GRIK3: variants seen among roughly 807,000 people sequenced by gnomAD.
GRIK3 encodes the protein glutamate ionotropic receptor kainate type subunit 3.
Under a neutral mutation model 102.5 loss-of-function variants are expected in GRIK3, and 29 were observed. The observed-to-expected ratio is 0.28, with a 90% CI of 0.21 to 0.39. The LOEUF is 0.39. Ranked by LOEUF, GRIK3 falls within the 10% of genes least tolerant of loss-of-function variation. GRIK3 has a pLI of 1.00. For synonymous variants in GRIK3, 511 were observed against 504.9 expected (o/e 1.01, Z -0.16); for missense variants, 908 against 1,252.4 (o/e 0.73, Z 4.15).
intron 3 of GRIK3, among the ~76,000 whole-genome samples, chr1:36,874,434 G>A (rs770918479): frequency 7.2e-5 from 11 of 152,168 alleles, no homozygotes; most frequent in Admixed American, 2.0e-4. Context: ...GTTGGGAGAC[G>A]GCTATGTAGT....
chr1:36,907,850 C>T (rs921362856), intron 1 of GRIK3, among the ~76,000 whole-genome samples: 10 of 152,054 alleles, frequency 6.6e-5, no homozygotes, highest in Non-Finnish European at 5.9e-5. Context: ...AGGCAGACCT[C>T]GATTTGAATT....
At chr1:36,810,597 C>T (rs895742886) in intron 13 of GRIK3, among the ~76,000 whole-genome samples, 1 of 152,124 alleles carries the variant, frequency 6.6e-6, no homozygotes, top group Non-Finnish European at 1.5e-5. Flanking sequence ...ATAGCAATTC[C>T]AAAGGGAGCT....
intron 1 of GRIK3, among the ~76,000 whole-genome samples, chr1:36,990,763 C>T (rs1008833214): frequency 8.5e-5 from 13 of 152,120 alleles, no homozygotes; most frequent in Admixed American, 3.3e-4. Context: ...AGTTGCAAAT[C>T]GCTGAGCCCA....
At chr1:36,881,145 C>T (rs556912423) in intron 2 of GRIK3, among the ~76,000 whole-genome samples, 1 of 152,244 alleles carries the variant, frequency 6.6e-6, no homozygotes, top group African/African-American at 2.4e-5. Flanking sequence ...GGGTACGTCC[C>T]TTTTCCTTAG....
intron 1 of GRIK3, among the ~76,000 whole-genome samples, chr1:36,912,752 T>C (rs1641360116): frequency 6.6e-6 from 1 of 152,144 alleles, no homozygotes; most frequent in Non-Finnish European, 1.5e-5. Flanking sequence ...CACGCCTTTG[T>C]CATCCTGGCA....
At chr1:36,811,106 C>T (rs145551396) in intron 13 of GRIK3, among the ~76,000 whole-genome samples, 61 of 152,324 alleles carry the variant, frequency 4.0e-4, no homozygotes, top group African/African-American at 1.2e-3. Context: ...TTAGGGTTAT[C>T]GTGAACATTC....
rs201311290 is a variant in GRIK3, at chr1:36,804,973, G to A, written c.2565+14C>T. ...ATTTCCCATCCTGTGCAGGCTCCAAGCTCTAAGGCTTACCTGCTCTCTCTC... is the reference window on the plus strand; with the variant it reads ...ATTTCCCATCCTGTGCAGGCTCCAAACTCTAAGGCTTACCTGCTCTCTCTC... On this transcript the variant is annotated intron_variant, in intron 15 of 15. Coordinates refer to ENST00000373091, the MANE Select transcript of GRIK3 (RefSeq NM_000831.4). The A allele has an allele frequency of 5.0e-6, 8 of 1,613,868 alleles. No homozygotes were observed. The African/African-American group carries it at 6.7e-5, about 13-fold the overall frequency.
At chr1:36,843,975 A>G (rs1173664276) in intron 9 of GRIK3, among the ~76,000 whole-genome samples, 2 of 152,256 alleles carry the variant, frequency 1.3e-5, no homozygotes, top group Non-Finnish European at 2.9e-5. Context: ...TGGGATGGGC[A>G]GTGGAAGACC....
intron 1 of GRIK3, among the ~76,000 whole-genome samples, chr1:36,929,485 A>G (rs1248204242): frequency 2.0e-5 from 3 of 152,202 alleles, no homozygotes; most frequent in Non-Finnish European, 4.4e-5. Flanking sequence ...TAATTCCCAA[A>G]CCACATTCCA....
At chr1:36,927,710 T>C (rs1641542841) in intron 1 of GRIK3, among the ~76,000 whole-genome samples, 1 of 152,140 alleles carries the variant, frequency 6.6e-6, no homozygotes, top group African/African-American at 2.4e-5. Context: ...TTCTGTTTAA[T>C]CCATCTCCGC....
chr1:36,900,112 C>G (rs984093114), intron 1 of GRIK3, among the ~76,000 whole-genome samples: 1 of 152,132 alleles, frequency 6.6e-6, no homozygotes, highest in African/African-American at 2.4e-5. Flanking sequence ...TTCTCAAGCT[C>G]ACATGGAACA....
intron 10 of GRIK3, among the ~76,000 whole-genome samples, chr1:36,839,965 G>T (rs771436857): frequency 6.6e-6 from 1 of 152,188 alleles, no homozygotes; most frequent in East Asian, 1.9e-4. Context: ...GATGCTGTCT[G>T]CTCCCATCCT....
rs1451438476 is a variant in GRIK3, at chr1:36,959,822, C to A, written c.116-68726G>T. Among the ~76,000 whole-genome samples, 3 of 115,418 alleles carry A rather than the reference C, an allele frequency of 2.6e-5. 1 individual carries two copies. Among genetic ancestry groups the A allele is most frequent in the Non-Finnish European group, 5.6e-5 (3 of 53,694 alleles). The allele number at this position is 115,418 out of a possible 152,430, so 75.7% of individuals were successfully genotyped here. On this transcript the variant is annotated intron_variant, in intron 1 of 15. Transcript: ENST00000373091. ...ACCCCATGACTCTGTGCCCCATGAG[C>A]CTGTGTGCCCTGTGAGTCTGTGTGC...
intron 15 of GRIK3, among the ~76,000 whole-genome samples, chr1:36,802,447 C>A (rs1231256331): frequency 1.3e-5 from 2 of 152,130 alleles, no homozygotes; most frequent in African/African-American, 4.8e-5. Flanking sequence ...CTAGCTTTGG[C>A]CCAGGGTCAG....
chr1:37,022,093 G>C (rs1038907499), intron 1 of GRIK3, among the ~76,000 whole-genome samples: 21 of 152,204 alleles, frequency 1.4e-4, no homozygotes, highest in Admixed American at 1.2e-3. Flanking sequence ...GGCCTCCGTT[G>C]ACTGTCTATA....
chr1:36,819,490 C>A lies in GRIK3; in HGVS notation c.1873+246G>T, dbSNP rs1462838287. 6.6e-6 allele frequency among the ~76,000 whole-genome samples: 1 copy of A among 152,218 alleles called. No homozygotes were observed. Among genetic ancestry groups the A allele is most frequent in the East Asian group, 1.9e-4 (1 of 5,206 alleles). On this transcript the variant is annotated intron_variant, in intron 12 of 15. Coordinates refer to ENST00000373091, the MANE Select transcript of GRIK3 (RefSeq NM_000831.4). This position sits in a 1 kb window ranked among gnomAD's most constrained non-coding sequence, Gnocchi z 4.1. ...GGAGGTGGGGGATGCGTCCCGCATG[C>A]CCTGGGCTGGGTGGTTTTCTTAGCT...
chr1:36,855,794 C>A (rs1291257750), intron 7 of GRIK3, among the ~76,000 whole-genome samples: 1 of 152,242 alleles, frequency 6.6e-6, no homozygotes, highest in South Asian at 2.1e-4. Context: ...GCCCAAGGCT[C>A]CAGTAGAAAG....
At chr1:36,815,878 G>C (rs1265201736) in intron 13 of GRIK3, among the ~76,000 whole-genome samples, 1 of 152,052 alleles carries the variant, frequency 6.6e-6, no homozygotes, top group African/African-American at 2.4e-5. Flanking sequence ...TTCTGCCTCA[G>C]CCTCCCCAGT....
chr1:36,856,161 G>C (rs1471069878), intron 7 of GRIK3, among the ~76,000 whole-genome samples: 1 of 152,238 alleles, frequency 6.6e-6, no homozygotes, highest in African/African-American at 2.4e-5. Flanking sequence ...TGGCTCCCCA[G>C]TCCCTCCGCC....
Sources: allele counts gnomAD v4.1 joint callset (sites outside exome capture counted in the v4.1 genomes callset), GRCh38; gene constraint gnomAD v4.1.1; non-coding constraint Gnocchi (gnomAD v3.1); transcripts MANE v1.5; gene names NCBI Gene and HGNC (gene_info 2026-07-23, HGNC 2026-07-21).